Variants in GRAMD1C observed in about 807,000 individuals in gnomAD.
GRAMD1C encodes the protein protein Aster-C.
Under a neutral mutation model 97.8 loss-of-function variants are expected in GRAMD1C, and 89 were observed. The ratio of observed to expected loss-of-function variants is 0.91; its 90% CI spans 0.77 to 1.09. GRAMD1C has a LOEUF of 1.09. Among genes scored for constraint, GRAMD1C ranks in the 50% least tolerant of loss-of-function variants. The pLI, the probability that GRAMD1C is intolerant of heterozygous loss-of-function variation, is 0.00. For missense variants in GRAMD1C, 740 were observed against 766.4 expected (o/e 0.97, Z 0.41); for synonymous variants, 256 against 267.0 (o/e 0.96, Z 0.40).
At chr3:113,912,907 C>T (rs1414852669) in intron 9 of GRAMD1C, among the ~76,000 whole-genome samples, 1 of 152,044 alleles carries the variant, frequency 6.6e-6, no homozygotes, top group Non-Finnish European at 1.5e-5. Flanking sequence ...AAATTTAGTA[C>T]AAATTACTTG....
At chr3:113,907,285 G>T (rs1936404709) in intron 8 of GRAMD1C, among the ~76,000 whole-genome samples, 2 of 152,252 alleles carry the variant, frequency 1.3e-5, no homozygotes, top group East Asian at 1.9e-4. Context: ...TATTTATGTG[G>T]AAGGCCAGCA....
At position 113,917,859 on chromosome 3, in the gene GRAMD1C, T is replaced by C. The variant is rs1427297449; in HGVS notation, c.1090+2021T>C. ...AGGCGTGCACCACCATGCTTGGCTT[T>C]TTTTTTTTTTTTTTTTTTTTTTGGT... On this transcript the variant is annotated intron_variant, in intron 10 of 17. Transcript: ENST00000358160. Among the ~76,000 whole-genome samples, 21 of 22,938 alleles carry C rather than the reference T, an allele frequency of 9.2e-4. No homozygotes were observed. In the Admixed American group the frequency reaches 0.013, roughly 14 times the overall value. 15.0% of individuals were successfully genotyped at this position (22,938 alleles called of 152,430 possible).
chr3:113,866,588 T>C (rs1166635463), intron 2 of GRAMD1C, among the ~76,000 whole-genome samples: 1 of 152,232 alleles, frequency 6.6e-6, no homozygotes, highest in Admixed American at 6.5e-5. Context: ...ATATGTTTTA[T>C]ACCTTTTGTT....
At chr3:113,943,886 C>G (rs1038916260) in intron 17 of GRAMD1C, among the ~76,000 whole-genome samples, 1 of 152,048 alleles carries the variant, frequency 6.6e-6, no homozygotes, top group African/African-American at 2.4e-5. Context: ...TGCACTCCAG[C>G]CTGGGTGAAA....
chr3:113,841,546 C>G (rs1208916742), intron 1 of GRAMD1C, among the ~76,000 whole-genome samples: 6 of 152,070 alleles, frequency 3.9e-5, no homozygotes, highest in Non-Finnish European at 7.4e-5. Context: ...GCTTTCCCTC[C>G]CAAAGTGCTG....
At chr3:113,883,771 A>G (rs1455285770) in intron 6 of GRAMD1C, among the ~76,000 whole-genome samples, 1 of 152,168 alleles carries the variant, frequency 6.6e-6, no homozygotes, top group East Asian at 1.9e-4. Flanking sequence ...TAACAATCAT[A>G]AACATATATA....
At chr3:113,853,998 TTGATGTGG>T (rs1934019268) in intron 2 of GRAMD1C, among the ~76,000 whole-genome samples, 1 of 151,920 alleles carries the variant, frequency 6.6e-6, no homozygotes, top group Non-Finnish European at 1.5e-5. Context: ...GCTGAAGGGA[TTGATGTGG>T]TGAGTGAGGG....
intron 11 of GRAMD1C, among the ~76,000 whole-genome samples, chr3:113,933,259 T>C (rs528114127): frequency 2.6e-5 from 4 of 152,154 alleles, no homozygotes; most frequent in South Asian, 4.1e-4. Flanking sequence ...CCCGAATTCC[T>C]GACCTTAAGC....
chr3:113,919,236 A>T (rs1936945776), intron 10 of GRAMD1C: 1 of 382,450 alleles, frequency 2.6e-6, no homozygotes, highest in African/African-American at 2.1e-5. Flanking sequence ...GTTTTCTTGA[A>T]GGCTTTTTTG....
intron 6 of GRAMD1C, among the ~76,000 whole-genome samples, chr3:113,895,927 A>G (rs1009693934): frequency 6.6e-6 from 1 of 152,180 alleles, no homozygotes; most frequent in Admixed American, 6.6e-5. Flanking sequence ...TTTGAGGTTG[A>G]TGTCAAATAG....
rs1005642981 is a variant in GRAMD1C, at chr3:113,945,885, C to T, written c.*407C>T. ...ACTGAGATAAGACCAAGAGGATAAA[C>T]AGGACAATATAAGAAGAAACCTCTA... On this transcript the variant is annotated 3_prime_UTR_variant, in exon 18 of 18. Coordinates refer to ENST00000358160, the MANE Select transcript of GRAMD1C (RefSeq NM_017577.5). 6.2e-6 allele frequency: 1 copy of T among 162,028 alleles called. No individual in the cohort carries two copies. The highest frequency in any genetic ancestry group is 6.4e-5 in the Admixed American group (1 of 15,672). 10.0% of individuals were successfully genotyped at this position (162,028 alleles called of 1,614,324 possible).
chr3:113,834,991 CAT>C (rs1709615362), upstream of GRAMD1C, among the ~76,000 whole-genome samples: 4 of 150,404 alleles, frequency 2.7e-5, no homozygotes, highest in South Asian at 8.3e-4. Context: ...AACTTTCTGA[CAT>C]ATACTTTAAC....
intron 2 of GRAMD1C, among the ~76,000 whole-genome samples, chr3:113,863,028 G>A (rs1280098704): frequency 6.6e-6 from 1 of 152,056 alleles, no homozygotes; most frequent in Non-Finnish European, 1.5e-5. Flanking sequence ...AAATAGTTTG[G>A]CACTTCCTAA....
intron 15 of GRAMD1C, chr3:113,939,579 A>G (rs1053269220): frequency 4.8e-5 from 9 of 187,156 alleles, no homozygotes; most frequent in Non-Finnish European, 9.9e-5. Flanking sequence ...TGGTGGTCTC[A>G]CATCAACACT....
rs142106530 is a variant in GRAMD1C, at chr3:113,943,301, T to G, written c.1909-2097T>G. ...TGAAATGTATCTAATGTATCTAATC[T>G]TGCTTTCTTTAAAACCATAAAAAAA... is the stretch of plus-strand genomic sequence containing the variant. On this transcript the variant is annotated intron_variant, in intron 17 of 17. Transcript: ENST00000358160. 8.6e-3 allele frequency among the ~76,000 whole-genome samples: 1,317 copies of G among 152,358 alleles called. 18 individuals are homozygous for G. Among genetic ancestry groups the G allele is most frequent in the African/African-American group, 0.03 (1,228 of 41,574 alleles).
At chr3:113,896,906 T>C in intron 6 of GRAMD1C, among the ~76,000 whole-genome samples, 1 of 152,236 alleles carries the variant, frequency 6.6e-6, no homozygotes, top group East Asian at 1.9e-4. Flanking sequence ...TAGGAATTAG[T>C]AGATGAAACT....
upstream of GRAMD1C, among the ~76,000 whole-genome samples, chr3:113,835,728 C>T (rs1577108324): frequency 1.3e-5 from 2 of 152,170 alleles, no homozygotes; most frequent in Non-Finnish European, 2.9e-5. Context: ...ATAGTCATTT[C>T]TGTGTTTCGA....
At chr3:113,924,106 T>C (rs1462346959) in intron 10 of GRAMD1C, among the ~76,000 whole-genome samples, 6 of 147,876 alleles carry the variant, frequency 4.1e-5, no homozygotes, top group East Asian at 2.0e-4. Context: ...TTTTTTTTTT[T>C]CTGTGGGGTC....
intron 6 of GRAMD1C, among the ~76,000 whole-genome samples, chr3:113,891,877 A>G (rs1935740348): frequency 6.6e-6 from 1 of 151,760 alleles, no homozygotes; most frequent in African/African-American, 2.4e-5. Context: ...ACAGAGTGAG[A>G]CACTGTCTCA....
Sources: gnomAD v4.1 joint callset for allele counts (sites outside exome capture counted in the v4.1 genomes callset) on GRCh38, gnomAD v4.1.1 for gene constraint, MANE v1.5 for transcripts, NCBI Gene and HGNC (gene_info 2026-07-23, HGNC 2026-07-21) for gene names.